Variants in CADM4 observed in about 807,000 individuals in gnomAD.
The protein encoded by CADM4 is TSLC1-like 2.
CADM4 carries 13 observed loss-of-function variants against 43.9 expected under a neutral mutation model. The ratio of observed to expected loss-of-function variants is 0.30; its 90% CI spans 0.19 to 0.47. CADM4 has a LOEUF of 0.47. CADM4 is among the 20% of genes least tolerant of loss of function. CADM4 has a pLI of 1.00. For missense variants in CADM4, 420 were observed against 527.0 expected (o/e 0.80, Z 1.99); for synonymous variants, 209 against 220.9 (o/e 0.95, Z 0.48).
Position 43,625,062 on chromosome 19 carries a change from C to G in CADM4, c.928+16G>C. 3 of 1,527,694 alleles carry G rather than the reference C, an allele frequency of 2.0e-6. No homozygotes were observed. Among genetic ancestry groups the G allele is most frequent in the Non-Finnish European group, 2.6e-6 (3 of 1,137,920 alleles). The allele number at this position is 1,527,694 out of a possible 1,614,324, so 94.6% of individuals were successfully genotyped here. ...CGCCCCGCCCCCGCCCTCAGTCGGCCGCAGCCTGCTCTCACCGTAGACCAC... is the reference window on the plus strand; with the variant it reads ...CGCCCCGCCCCCGCCCTCAGTCGGCGGCAGCCTGCTCTCACCGTAGACCAC... On this transcript the variant is annotated intron_variant, in intron 7 of 8. Coordinates refer to ENST00000222374, the MANE Select transcript of CADM4 (RefSeq NM_145296.2). The surrounding 1 kb of genome is among the most constrained non-coding windows in gnomAD (Gnocchi z 4.5).
intron 1 of CADM4, among the ~76,000 whole-genome samples, chr19:43,637,848 T>G (rs1253911691): frequency 6.6e-6 from 1 of 152,190 alleles, no homozygotes; most frequent in Non-Finnish European, 1.5e-5. Flanking sequence ...GCTAGCATGC[T>G]AACACCATCA....
intron 1 of CADM4, among the ~76,000 whole-genome samples, chr19:43,639,198 T>G (rs1256437931): frequency 2.8e-5 from 4 of 142,656 alleles, no homozygotes; most frequent in African/African-American, 5.3e-5. Context: ...ATAGACAGGA[T>G]GATGGAGGGG....
rs775474091 is a variant in CADM4, at chr19:43,627,686, G to C, written c.169C>G (p.Gln57Glu). 6.8e-6 allele frequency: 11 copies of C among 1,614,076 alleles called. No homozygotes were observed. The highest frequency in any genetic ancestry group is 9.3e-6 in the Non-Finnish European group (11 of 1,179,984). The change falls in exon 2 of 9, where the codon CAG (glutamine) becomes GAG (glutamate). Residue 57 changes from glutamine to glutamate, a missense_variant. Coordinates refer to ENST00000222374, the MANE Select transcript of CADM4 (RefSeq NM_145296.2). This position sits in a 1 kb window ranked among gnomAD's most constrained non-coding sequence, Gnocchi z 4.0. The part of the protein sequence containing the change: ...HQYDGSIVVI[Q>E]NPARQTLFFN... ...AAGAGGGTCTGCCGGGCTGGGTTCT[G>C]GATGACAACTATGGACCCATCATAC...
chr19:43,627,550 C>A lies in CADM4; in HGVS notation c.211+94G>T. 1 of 1,434,070 alleles carries A rather than the reference C, an allele frequency of 7.0e-7. No individual in the cohort carries two copies. The highest frequency in any genetic ancestry group is 9.4e-7 in the Non-Finnish European group (1 of 1,061,928). 88.8% of individuals were successfully genotyped at this position (1,434,070 alleles called of 1,614,324 possible). A position where few individuals can be genotyped will look rare whatever the true frequency, so the allele number is the denominator to read the frequency against. ...CTTTCTTCTCCGAGACCCAGGAGAC[C>A]AAACTCTCAGGTGTGTCCTCTTTCA... is the stretch of plus-strand genomic sequence containing the variant. On this transcript the variant is annotated intron_variant, in intron 2 of 8. Transcript: ENST00000222374. The surrounding 1 kb of genome is among the most constrained non-coding windows in gnomAD (Gnocchi z 4.0).
In CADM4 at chr19:43,624,200, G is replaced by A; in HGVS notation, c.971C>T (p.Ala324Val). ...CAGCGCCAGGATGCCGCCCACAATG[G>A]CATAGGGAACCGACGTCTGAGCCTC... ...VVEAQTSVPYAIVGGILALLV... is the reference protein window; with the variant it reads ...VVEAQTSVPYVIVGGILALLV... The change falls in exon 8 of 9, where the codon GCC (alanine) becomes GTC (valine). Residue 324 changes from alanine to valine, a missense_variant. By Grantham distance (64) the Ala-to-Val change is moderately conservative. Coordinates refer to ENST00000222374, the MANE Select transcript of CADM4 (RefSeq NM_145296.2). The A allele has an allele frequency of 6.2e-7, 1 of 1,614,188 alleles. No individual in the cohort carries two copies. Among genetic ancestry groups the A allele is most frequent in the South Asian group, 1.1e-5 (1 of 91,076 alleles).
chr19:43,626,268 T>A lies in CADM4; in HGVS notation c.520A>T (p.Asn174Tyr), dbSNP rs1973525795. 1 of 1,612,048 alleles carries A rather than the reference T, an allele frequency of 6.2e-7. No individual in the cohort carries two copies. Among genetic ancestry groups the A allele is most frequent in the East Asian group, 2.2e-5 (1 of 44,866 alleles). ...ELKGVSSSQE[N>Y]GKVWSVASTV... ...CTTGCCACGCTCCAGACCTTGCCAT[T>A]TTCCTGGCTGCTGCTCACTCCTGCC... Residue 174 changes from asparagine to tyrosine, a missense_variant, in exon 5 of 9, where the codon AAT (asparagine) becomes TAT (tyrosine). Physicochemically the swap from Asn to Tyr is moderately radical, Grantham distance 143. Coordinates refer to ENST00000222374, the MANE Select transcript of CADM4 (RefSeq NM_145296.2). This position sits in a 1 kb window ranked among gnomAD's most constrained non-coding sequence, Gnocchi z 5.9.
chr19:43,625,031 A>AC lies in CADM4; in HGVS notation c.928+46dup. ...TCTTTGCTCAAGCCCCGCCCCCGCC[A>AC]CCTGGCGCCCCGCCCCCGCCCTCAG... is the stretch of plus-strand genomic sequence containing the variant. On this transcript the variant is annotated intron_variant, in intron 7 of 8. Coordinates refer to ENST00000222374, the MANE Select transcript of CADM4 (RefSeq NM_145296.2). The surrounding 1 kb of genome is among the most constrained non-coding windows in gnomAD (Gnocchi z 4.5). The AC allele has an allele frequency of 6.0e-6, 2 of 335,096 alleles. No individual in the cohort carries two copies. The highest frequency in any genetic ancestry group is 4.0e-6 in the Non-Finnish European group (1 of 249,310). 20.8% of individuals were successfully genotyped at this position (335,096 alleles called of 1,614,324 possible). A position where few individuals can be genotyped will look rare whatever the true frequency, so the allele number is the denominator to read the frequency against.
At chr19:43,634,194 G>T (rs1973668784) in intron 1 of CADM4, among the ~76,000 whole-genome samples, 1 of 152,204 alleles carries the variant, frequency 6.6e-6, no homozygotes, top group Admixed American at 6.5e-5. Context: ...CCCCGCTCCT[G>T]AAGCTCAGGG....
chr19:43,635,619 G>C (rs1276798546), intron 1 of CADM4, among the ~76,000 whole-genome samples: 2 of 151,382 alleles, frequency 1.3e-5, no homozygotes, highest in South Asian at 2.1e-4. Flanking sequence ...TTAAACCCAG[G>C]GGTCTAAGAC....
chr19:43,622,970 C>G lies in CADM4; in HGVS notation c.*360G>C, dbSNP rs1207304750. On this transcript the variant is annotated 3_prime_UTR_variant, in exon 9 of 9. Coordinates refer to ENST00000222374, the MANE Select transcript of CADM4 (RefSeq NM_145296.2). ...ATCTGTGTTCCCCTTCCCTGCCCCC[C>G]CCACCCTTCCCAGAAACTGACCCCC... 6.7e-6 allele frequency: 1 copy of G among 150,242 alleles called. No homozygotes were observed. Among genetic ancestry groups the G allele is most frequent in the Non-Finnish European group, 1.4e-5 (1 of 69,086 alleles). 9.3% of individuals were successfully genotyped at this position (150,242 alleles called of 1,614,324 possible).
In CADM4 at chr19:43,622,707, G is replaced by A. The variant is rs1220302285; in HGVS notation, c.*623C>T. 1 of 152,740 alleles carries A rather than the reference G, an allele frequency of 6.5e-6. No homozygotes were observed. Among genetic ancestry groups the A allele is most frequent in the Non-Finnish European group, 1.5e-5 (1 of 68,186 alleles). The allele number at this position is 152,740 out of a possible 1,614,324, so 9.5% of individuals were successfully genotyped here. ...CAAATATGGATGGGACAGACGTTGG[G>A]GGAGAAGGTAGAGAGAAGGGGAGCC... is the stretch of plus-strand genomic sequence containing the variant. On this transcript the variant is annotated 3_prime_UTR_variant, in exon 9 of 9. Transcript: ENST00000222374.
chr19:43,624,160 G>C lies in CADM4; in HGVS notation c.1011C>G (p.Ile337Met). The change falls in exon 8 of 9, where the codon ATC becomes ATG. Residue 337 changes from isoleucine to methionine, a missense_variant. Ile to Met is a conservative substitution (Grantham distance 10, BLOSUM62 1). Transcript: ENST00000222374. ...AGACCATGCCCACTAGCACACATAT[G>C]ATCAGAAACACCAGCAGCGCCAGGA... Reference protein sequence around the residue: ...GGILALLVFLIICVLVGMVWC... With the variant: ...GGILALLVFLMICVLVGMVWC... 2 of 1,614,136 alleles carry C rather than the reference G, an allele frequency of 1.2e-6. No homozygotes were observed. The highest frequency in any genetic ancestry group is 1.7e-6 in the Non-Finnish European group (2 of 1,180,030).
intron 1 of CADM4, among the ~76,000 whole-genome samples, chr19:43,638,852 CT>C (rs2146165214): frequency 6.6e-6 from 1 of 152,344 alleles, no homozygotes; most frequent in Admixed American, 6.5e-5. Flanking sequence ...TTAGAATGCC[CT>C]GCCTGACTGA....
At chr19:43,624,068 G>A (rs370053896) in intron 8 of CADM4, 46 bp downstream of exon 8, 2 of 1,606,830 alleles carry the variant, frequency 1.2e-6, no homozygotes, top group Admixed American at 1.7e-5. Flanking sequence ...CTCTTTCCGA[G>A]CCCTACAACC....
chr19:43,633,647 T>TC (rs1245591210), intron 1 of CADM4, among the ~76,000 whole-genome samples: 19 of 147,294 alleles, frequency 1.3e-4, no homozygotes, highest in African/African-American at 4.8e-4. Flanking sequence ...CTCTTTTTTC[T>TC]TTCTCTCTTT....
In CADM4 at chr19:43,625,977, G is replaced by C; in HGVS notation, c.689C>G (p.Ala230Gly). The change falls in exon 6 of 9, where the codon GCC becomes GGC. Residue 230 changes from alanine to glycine, a missense_variant. By Grantham distance (60) the Ala-to-Gly change is moderately conservative. Coordinates refer to ENST00000222374, the MANE Select transcript of CADM4 (RefSeq NM_145296.2). This position sits in a 1 kb window ranked among gnomAD's most constrained non-coding sequence, Gnocchi z 4.5. ...TCCCTCCCTCACCACAGCTTGGGAGGCATGAATCCGGGCCGTGGGGGAGTC... is the reference window on the plus strand; with the variant it reads ...TCCCTCCCTCACCACAGCTTGGGAGCCATGAATCCGGGCCGTGGGGGAGTC... Reference protein sequence around the residue: ...VQYSPTARIHASQAVVREGDT... With the variant: ...VQYSPTARIHGSQAVVREGDT... 11 of 1,614,168 alleles carry C rather than the reference G, an allele frequency of 6.8e-6. No individual in the cohort carries two copies. The highest frequency in any genetic ancestry group is 9.3e-6 in the Non-Finnish European group (11 of 1,180,018).
At position 43,625,941 on chromosome 19, in the gene CADM4, A is replaced by G; in HGVS notation, c.725T>C (p.Val242Ala). 3.7e-6 allele frequency: 6 copies of G among 1,614,118 alleles called. No individual in the cohort carries two copies. Among genetic ancestry groups the G allele is most frequent in the South Asian group, 1.1e-5 (1 of 91,072 alleles). ...GTTCCCCGTGACAGCACACGTCAAC[A>G]CCAGCGTGTCTCCCTCCCTCACCAC... ...QAVVREGDTLVLTCAVTGNPR... is the reference protein window; with the variant it reads ...QAVVREGDTLALTCAVTGNPR... The change falls in exon 6 of 9, where the codon GTG (valine) becomes GCG (alanine). Residue 242 changes from valine to alanine, a missense_variant. Coordinates refer to ENST00000222374, the MANE Select transcript of CADM4 (RefSeq NM_145296.2). The surrounding 1 kb of genome is among the most constrained non-coding windows in gnomAD (Gnocchi z 4.5).
chr19:43,640,440 C>A (rs546810189), upstream of CADM4, among the ~76,000 whole-genome samples: 22 of 151,070 alleles, frequency 1.5e-4, no homozygotes, highest in East Asian at 4.3e-3. Context: ...GTCCGGAGGT[C>A]GAGGCAGGTC....
At chr19:43,640,403 G>A (rs1032505010), upstream of CADM4, among the ~76,000 whole-genome samples, 7 of 151,856 alleles carry the variant, frequency 4.6e-5, no homozygotes, top group Admixed American at 6.5e-5. Context: ...ACCGGGACAG[G>A]GGAGGCTGCA....
Sources: allele counts gnomAD v4.1 joint callset (sites outside exome capture counted in the v4.1 genomes callset), GRCh38; gene constraint gnomAD v4.1.1; non-coding constraint Gnocchi (gnomAD v3.1); transcripts MANE v1.5; gene names NCBI Gene and HGNC (gene_info 2026-07-23, HGNC 2026-07-21).